RBFOX1: variants seen among roughly 807,000 people sequenced by gnomAD.
The protein encoded by RBFOX1 is RNA binding protein fox-1 homolog 1.
Under a neutral mutation model 57.7 loss-of-function variants are expected in RBFOX1, and 8 were observed. The observed-to-expected ratio is 0.14, with a 90% CI of 0.08 to 0.25. The LOEUF (loss-of-function observed/expected upper bound fraction) is 0.25. RBFOX1 is among the 10% of genes least tolerant of loss of function. The pLI is 1.00. For missense variants in RBFOX1, 611 were observed against 548.5 expected (o/e 1.11, Z -1.14); for synonymous variants, 326 against 222.4 (o/e 1.47, Z -4.15).
intron 14 of RBFOX1, among the ~76,000 whole-genome samples, chr16:7,692,886 C>T (rs76632611): frequency 0.13 from 14,870 of 117,272 alleles, 977 homozygotes; most frequent in Non-Finnish European, 0.17. Context: ...AGCACTTTTT[C>T]TTATTTTTTT....
At chr16:6,557,423 G>C (rs892985750) in intron 2 of RBFOX1, among the ~76,000 whole-genome samples, 1 of 152,062 alleles carries the variant, frequency 6.6e-6, no homozygotes, top group Non-Finnish European at 1.5e-5. Context: ...GGGACAGTAC[G>C]ATTTCACAAT....
chr16:5,998,927 A>C (rs1268979208), intron 4 of RBFOX1, among the ~76,000 whole-genome samples: 1 of 152,170 alleles, frequency 6.6e-6, no homozygotes, highest in Non-Finnish European at 1.5e-5. Flanking sequence ...TCTATGGAAC[A>C]TCTCCCTATG....
At chr16:7,267,140 T>C (rs544230100) in intron 4 of RBFOX1, among the ~76,000 whole-genome samples, 1 of 152,190 alleles carries the variant, frequency 6.6e-6, no homozygotes, top group Non-Finnish European at 1.5e-5. Flanking sequence ...CTGGGCACAG[T>C]GTGGCTTATG....
At chr16:7,555,721 A>T (rs1303735958) in intron 5 of RBFOX1, among the ~76,000 whole-genome samples, 1 of 152,060 alleles carries the variant, frequency 6.6e-6, no homozygotes, top group African/African-American at 2.4e-5. Flanking sequence ...GGACTGGGCT[A>T]TTATTGCCTG....
chr16:6,031,169 G>A (rs541651032), intron 1 of RBFOX1, among the ~76,000 whole-genome samples: 2 of 152,290 alleles, frequency 1.3e-5, no homozygotes, highest in African/African-American at 4.8e-5. Flanking sequence ...GCTACGGCCT[G>A]AAGACTGAGA....
chr16:6,197,877 C>T (rs1567661148), intron 1 of RBFOX1, among the ~76,000 whole-genome samples: 2 of 152,046 alleles, frequency 1.3e-5, no homozygotes, highest in Non-Finnish European at 2.9e-5. Flanking sequence ...TTAGCTTCCA[C>T]TTGTAAGTGA....
intron 1 of RBFOX1, among the ~76,000 whole-genome samples, chr16:6,184,468 CA>C (rs1186313184): frequency 6.6e-6 from 1 of 152,084 alleles, no homozygotes; most frequent in Non-Finnish European, 1.5e-5. Flanking sequence ...GATATATTTC[CA>C]AAGCAAAGAC....
At chr16:7,553,609 G>C (rs941709358) in intron 5 of RBFOX1, among the ~76,000 whole-genome samples, 1 of 152,204 alleles carries the variant, frequency 6.6e-6, no homozygotes, top group Non-Finnish European at 1.5e-5. Context: ...ATGAAGATCT[G>C]CAAGTGGCCA....
In RBFOX1 at chr16:6,569,201, A is replaced by G. The variant is rs150744619; in HGVS notation, c.-63-85402A>G. On this transcript the variant is annotated intron_variant, in intron 2 of 15. Coordinates refer to ENST00000550418, the MANE Select transcript of RBFOX1 (RefSeq NM_018723.4). ...GAATTGTGGAAGCAATGTATAAGTT[A>G]TCTAATACTCTGTATTAGTTATCTA... Among the ~76,000 whole-genome samples, 791 of 152,322 alleles carry G rather than the reference A, an allele frequency of 5.2e-3. 8 individuals are homozygous for G. The highest frequency in any genetic ancestry group is 0.014 in the African/African-American group (599 of 41,582).
chr16:7,194,005 G>T (rs7200414), intron 4 of RBFOX1, among the ~76,000 whole-genome samples: 3 of 151,542 alleles, frequency 2.0e-5, no homozygotes, highest in African/African-American at 7.3e-5. Flanking sequence ...AGTATAAGCC[G>T]TATCATATTA....
chr16:6,346,449 A>G (rs965665530), intron 2 of RBFOX1, among the ~76,000 whole-genome samples: 1 of 152,162 alleles, frequency 6.6e-6, no homozygotes, highest in Non-Finnish European at 1.5e-5. Context: ...ACGGCAGCTC[A>G]GCTTCAGATA....
chr16:5,938,684 G>T (rs1412371255), intron 4 of RBFOX1, among the ~76,000 whole-genome samples: 1 of 151,944 alleles, frequency 6.6e-6, no homozygotes, highest in Non-Finnish European at 1.5e-5. Context: ...TTTGTCATTT[G>T]GATCCTGAGG....
intron 1 of RBFOX1, among the ~76,000 whole-genome samples, chr16:5,297,056 G>A (rs1237986014): frequency 6.6e-6 from 1 of 152,058 alleles, no homozygotes; most frequent in Non-Finnish European, 1.5e-5. Context: ...TTTTCATGAT[G>A]TTCTCCAGGT....
chr16:6,907,013 C>G (rs557181457), intron 3 of RBFOX1, among the ~76,000 whole-genome samples: 1 of 152,000 alleles, frequency 6.6e-6, no homozygotes, highest in African/African-American at 2.4e-5. Flanking sequence ...CATGAGCCAC[C>G]GCACCCAGCT....
intron 3 of RBFOX1, among the ~76,000 whole-genome samples, chr16:5,687,848 G>A (rs1380215159): frequency 2.6e-5 from 4 of 152,120 alleles, no homozygotes; most frequent in Admixed American, 2.0e-4. Flanking sequence ...ATTTTAAAAA[G>A]TTACATTTGT....
At chr16:6,473,553 C>CA (rs113587760) in intron 2 of RBFOX1, among the ~76,000 whole-genome samples, 14,993 of 151,482 alleles carry the variant, frequency 0.099, 824 homozygotes, top group Middle Eastern at 0.13. Context: ...ATCCTGTTGA[C>CA]AAAAAACATA....
chr16:6,980,421 C>A (rs1278890569), intron 3 of RBFOX1, among the ~76,000 whole-genome samples: 1 of 152,060 alleles, frequency 6.6e-6, no homozygotes, highest in Non-Finnish European at 1.5e-5. Context: ...CATTTTCAAA[C>A]ACAGAAAGAT....
intron 2 of RBFOX1, among the ~76,000 whole-genome samples, chr16:6,396,292 G>A (rs2092832451): frequency 6.6e-6 from 1 of 152,166 alleles, no homozygotes; most frequent in African/African-American, 2.4e-5. Context: ...AAAATGAGAT[G>A]CATTTGATAT....
intron 4 of RBFOX1, among the ~76,000 whole-genome samples, chr16:5,941,906 G>T (rs2059285975): frequency 6.6e-6 from 1 of 151,636 alleles, no homozygotes; most frequent in Admixed American, 6.6e-5. Context: ...ATAAGGAAAT[G>T]TACCTGGTAT....
Sources: gnomAD v4.1 joint callset for allele counts (sites outside exome capture counted in the v4.1 genomes callset) on GRCh38, gnomAD v4.1.1 for gene constraint, MANE v1.5 for transcripts, NCBI Gene and HGNC (gene_info 2026-07-23, HGNC 2026-07-21) for gene names.